CTSH: variants seen among roughly 807,000 people sequenced by gnomAD.
The protein encoded by CTSH is cathepsin H.
A neutral mutation model predicts 56.3 loss-of-function variants in CTSH; 52 were observed. The ratio of observed to expected loss-of-function variants is 0.92; its 90% CI spans 0.74 to 1.16. The LOEUF is 1.16. Among genes scored for constraint, CTSH ranks in the 50% most tolerant of loss-of-function variants. CTSH has a pLI of 0.00. For synonymous variants in CTSH, 174 were observed against 155.7 expected (o/e 1.12, Z -0.88); for missense variants, 406 against 424.5 (o/e 0.96, Z 0.38).
intron 10 of CTSH, among the ~76,000 whole-genome samples, chr15:78,923,928 C>T (rs994613218): frequency 5.3e-5 from 8 of 152,250 alleles, no homozygotes; most frequent in East Asian, 1.9e-4. Context: ...GCCATAGGCT[C>T]GCGCCAGGGC....
chr15:78,927,916 T>A, intron 8 of CTSH, 135 bp from the exon 9 acceptor site: 1 of 724,396 alleles, frequency 1.4e-6, no homozygotes, highest in Non-Finnish European at 2.4e-6. Context: ...CAGAGAGAAT[T>A]AAAGCATCCT....
intron 9 of CTSH, chr15:78,927,013 C>G (rs1217170749): frequency 1.3e-5 from 2 of 152,318 alleles, no homozygotes; most frequent in African/African-American, 4.8e-5. Flanking sequence ...AAGCGATATT[C>G]CTCCACTCCT....
At chr15:78,922,900 G>C (rs2054803880) in intron 11 of CTSH, 93 bp downstream of exon 11, 1 of 1,466,104 alleles carries the variant, frequency 6.8e-7, no homozygotes, top group East Asian at 2.4e-5. Flanking sequence ...CTCGTCTGTG[G>C]AAGCCGTAAC....
At chr15:78,931,675 C>T in intron 6 of CTSH, 169 bp from the exon 7 acceptor site, 1 of 1,479,070 alleles carries the variant, frequency 6.8e-7, no homozygotes, top group East Asian at 2.5e-5. Flanking sequence ...GTATGTCCTG[C>T]AGTGCCAGCC....
At chr15:78,922,236 G>A (rs1164266687) in intron 11 of CTSH, 31 bp from the exon 12 acceptor site, 31 of 1,545,654 alleles carry the variant, frequency 2.0e-5, no homozygotes, top group African/African-American at 1.1e-4. Flanking sequence ...AGGCCCGGCC[G>A]GCGGTCTCCC....
intron 2 of CTSH, chr15:78,937,703 C>T (rs1436466944): frequency 4.4e-6 from 6 of 1,373,122 alleles, no homozygotes; most frequent in Middle Eastern, 2.3e-4. Context: ...ATGTGGGGCA[C>T]TCCTGGACGC....
chr15:78,932,259 T>A (rs2055077538), intron 6 of CTSH, 113 bp downstream of exon 6: 2 of 958,988 alleles, frequency 2.1e-6, no homozygotes, highest in Admixed American at 2.3e-5. Flanking sequence ...GGCATCTGGG[T>A]CCACCTGAAA....
At position 78,935,011 on chromosome 15, in the gene CTSH, T is replaced by C; in HGVS notation, c.372A>G (p.Lys124=). 1 of 1,614,170 alleles carries C rather than the reference T, an allele frequency of 6.2e-7. No homozygotes were observed. The highest frequency in any genetic ancestry group is 8.5e-7 in the Non-Finnish European group (1 of 1,180,002). ...GPYPPSVDWR[K]KGNFVSPVKN... ...TCACAGGTGAGACAAAATTTCCTTT[T>C]TTCCGCCAGTCCACGGAAGGTGGGT... The change falls in exon 5 of 12, where the codon AAA becomes AAG. Residue 124 remains lysine, a synonymous_variant. Coordinates refer to ENST00000220166, the MANE Select transcript of CTSH (RefSeq NM_004390.5).
At chr15:78,934,329 T>G (rs1179278919) in intron 5 of CTSH, among the ~76,000 whole-genome samples, 1 of 152,170 alleles carries the variant, frequency 6.6e-6, no homozygotes, top group Non-Finnish European at 1.5e-5. Flanking sequence ...TCGGCATCCT[T>G]CTGAAGAAGG....
chr15:78,934,232 A>G (rs2055125234), intron 5 of CTSH, among the ~76,000 whole-genome samples: 1 of 152,242 alleles, frequency 6.6e-6, no homozygotes, highest in African/African-American at 2.4e-5. Context: ...TGGAAAGTGA[A>G]AAAACATTTC....
At chr15:78,940,072 C>T (rs966382767) in intron 1 of CTSH, among the ~76,000 whole-genome samples, 6 of 152,128 alleles carry the variant, frequency 3.9e-5, no homozygotes, top group South Asian at 2.1e-4. Flanking sequence ...ACTGCGTTCC[C>T]GCAAGACTTC....
At chr15:78,932,136 G>C in intron 6 of CTSH, 1 of 1,119,678 alleles carries the variant, frequency 8.9e-7, no homozygotes, top group Non-Finnish European at 1.2e-6. Context: ...TCAAGCTAAG[G>C]ACCACCCAGA....
intron 5 of CTSH, 152 bp from the exon 6 acceptor site, chr15:78,932,610 T>A (rs1447949510): frequency 1.6e-6 from 1 of 621,034 alleles, no homozygotes; most frequent in Non-Finnish European, 2.9e-6. Context: ...CCATTCATTC[T>A]GAGCCTCGCA....
At chr15:78,936,631 GTTTCT>G (rs145886817) in intron 3 of CTSH, among the ~76,000 whole-genome samples, 5,278 of 151,364 alleles carry the variant, frequency 0.035, 329 homozygotes, top group African/African-American at 0.12. Context: ...GTGCGTGTGA[GTTTCT>G]TTTTTTTTTT....
chr15:78,937,634 A>G, intron 2 of CTSH: 4 of 1,405,042 alleles, frequency 2.8e-6, no homozygotes, highest in South Asian at 1.3e-5. Context: ...AATGAAGACC[A>G]TGCAGCTGCG....
chr15:78,922,564 G>A (rs1051765228), intron 11 of CTSH, among the ~76,000 whole-genome samples: 8 of 152,142 alleles, frequency 5.3e-5, no homozygotes, highest in African/African-American at 1.9e-4. Context: ...TGGGAGGACA[G>A]GACAAAGGCA....
At chr15:78,924,416 ATGG>A (rs2141517516) in intron 10 of CTSH, among the ~76,000 whole-genome samples, 1 of 152,218 alleles carries the variant, frequency 6.6e-6, no homozygotes, top group East Asian at 1.9e-4. Context: ...TCCAAGGACA[ATGG>A]TGACCAGGGC....
At chr15:78,932,032 A>G in intron 6 of CTSH, 2 of 1,197,424 alleles carry the variant, frequency 1.7e-6, no homozygotes, top group East Asian at 4.7e-5. Flanking sequence ...CATGAAGACA[A>G]CTGAGGCTGC....
At chr15:78,932,768 C>G (rs2055092007) in intron 5 of CTSH, among the ~76,000 whole-genome samples, 1 of 152,204 alleles carries the variant, frequency 6.6e-6, no homozygotes, top group Non-Finnish European at 1.5e-5. Context: ...CAATCACCAC[C>G]TCTTGGTGGC....
Sources: allele counts gnomAD v4.1 joint callset (sites outside exome capture counted in the v4.1 genomes callset), GRCh38; gene constraint gnomAD v4.1.1; transcripts MANE v1.5; gene names NCBI Gene and HGNC (gene_info 2026-07-23, HGNC 2026-07-21).